The following FTO variants were observed in gnomAD, a reference collection of about 807,000 sequenced individuals.
FTO encodes the protein FTO alpha-ketoglutarate dependent dioxygenase.
FTO carries 47 observed loss-of-function variants against 63.9 expected under a neutral mutation model. The ratio of observed to expected loss-of-function variants is 0.74; its 90% confidence interval spans 0.58 to 0.94. The LOEUF is 0.94. Ranked by LOEUF, FTO falls within the 40% of genes least tolerant of loss-of-function variation. The pLI, the probability that FTO is intolerant of heterozygous loss-of-function variation, is 0.00. For missense variants in FTO, 562 were observed against 618.1 expected (o/e 0.91, Z 0.96); for synonymous variants, 207 against 224.4 (o/e 0.92, Z 0.69).
rs74019548 is a variant in FTO at position 54,022,966 on chromosome 16, C to T, written c.1365-88796C>T. ...TCAGAAAGTTCAAAGGCATTTGAAACGTGGAGAGAAATGCTAATGCAGTAA... is the reference window on the plus strand; with the variant it reads ...TCAGAAAGTTCAAAGGCATTTGAAATGTGGAGAGAAATGCTAATGCAGTAA... On this transcript the variant is annotated intron_variant, in intron 8 of 8. Transcript: ENST00000471389. Among the ~76,000 whole-genome samples the T allele has an allele frequency of 8.9e-3, 1,356 of 152,290 alleles. 21 individuals are homozygous for T. The highest frequency in any genetic ancestry group is 0.031 in the African/African-American group (1,282 of 41,556).
At chr16:53,814,711 C>T (rs1346937019) in intron 2 of FTO, 2 of 152,502 alleles carry the variant, frequency 1.3e-5, no homozygotes, top group African/African-American at 2.4e-5. Context: ...CCTGTGACCT[C>T]CAGCTCTCCA....
chr16:54,062,806 A>G (rs1200375941), intron 8 of FTO, among the ~76,000 whole-genome samples: 4 of 152,178 alleles, frequency 2.6e-5, no homozygotes, highest in South Asian at 2.1e-4. Flanking sequence ...AAAGACAGAT[A>G]AGTAACTGTG....
chr16:53,931,181 A>C (rs868012274), intron 7 of FTO, among the ~76,000 whole-genome samples: 41 of 152,146 alleles, frequency 2.7e-4, no homozygotes, highest in African/African-American at 9.6e-4. Flanking sequence ...CACAGGGGGG[A>C]AAAATTTTGT....
intron 8 of FTO, among the ~76,000 whole-genome samples, chr16:53,987,092 A>G (rs572627870): frequency 6.6e-6 from 1 of 152,308 alleles, no homozygotes; most frequent in South Asian, 2.1e-4. Flanking sequence ...CAGAAACAAA[A>G]TCGTGCCAGT....
chr16:53,704,988 T>C (rs1334372727), intron 1 of FTO, among the ~76,000 whole-genome samples: 1 of 150,974 alleles, frequency 6.6e-6, no homozygotes, highest in Non-Finnish European at 1.5e-5. Context: ...ATCCTGTTGA[T>C]TTGTCTACGT....
At chr16:53,718,852 T>G (rs2075960278) in intron 1 of FTO, among the ~76,000 whole-genome samples, 1 of 152,194 alleles carries the variant, frequency 6.6e-6, no homozygotes, top group African/African-American at 2.4e-5. Flanking sequence ...AACATTTTAG[T>G]ATATTTCAAT....
intron 7 of FTO, among the ~76,000 whole-genome samples, chr16:53,891,025 C>G (rs1337550702): frequency 2.0e-5 from 3 of 150,038 alleles, no homozygotes; most frequent in East Asian, 1.9e-4. Flanking sequence ...GAGTCTTGCT[C>G]TGTTGCCCAG....
At chr16:54,079,601 A>G (rs34738020) in intron 8 of FTO, among the ~76,000 whole-genome samples, 4,470 of 152,278 alleles carry the variant, frequency 0.029, 100 homozygotes, top group Middle Eastern at 0.085. Flanking sequence ...TAGAGAGGCA[A>G]CCCACGGGGT....
At chr16:53,789,716 G>T in intron 1 of FTO, among the ~76,000 whole-genome samples, 1 of 149,786 alleles carries the variant, frequency 6.7e-6, no homozygotes, top group South Asian at 2.1e-4. Context: ...TTTTGTTTTT[G>T]ACTTTCACAT....
intron 1 of FTO, among the ~76,000 whole-genome samples, chr16:53,801,588 T>C (rs1266310370): frequency 6.6e-6 from 1 of 152,158 alleles, no homozygotes; most frequent in South Asian, 2.1e-4. Context: ...AGATCTTCCA[T>C]TATCAGTTCT....
chr16:53,823,435 A>T (rs2078919782), intron 2 of FTO, among the ~76,000 whole-genome samples: 1 of 151,608 alleles, frequency 6.6e-6, no homozygotes, highest in East Asian at 1.9e-4. Flanking sequence ...GATCACTCCC[A>T]CATTGCGTTC....
chr16:54,057,665 G>A (rs553934863), intron 8 of FTO, among the ~76,000 whole-genome samples: 1 of 151,860 alleles, frequency 6.6e-6, no homozygotes, highest in South Asian at 2.1e-4. Flanking sequence ...TAGAGATGGG[G>A]TTTCACCATG....
intron 1 of FTO, among the ~76,000 whole-genome samples, chr16:53,712,439 T>C (rs1004191738): frequency 6.6e-6 from 1 of 152,258 alleles, no homozygotes; most frequent in African/African-American, 2.4e-5. Context: ...CTTTAATCAC[T>C]GTTTCGGAGG....
chr16:54,041,554 A>G (rs1203304556), intron 8 of FTO, among the ~76,000 whole-genome samples: 1 of 152,146 alleles, frequency 6.6e-6, no homozygotes, highest in African/African-American at 2.4e-5. Flanking sequence ...CTTATCTCAT[A>G]TAGGTCTAAG....
At chr16:54,001,948 G>A (rs2084078148) in intron 8 of FTO, among the ~76,000 whole-genome samples, 1 of 152,140 alleles carries the variant, frequency 6.6e-6, no homozygotes, top group African/African-American at 2.4e-5. Context: ...CCCCAGAAGG[G>A]GCTTCCTTTG....
chr16:53,796,049 C>T (rs371485655), intron 1 of FTO, among the ~76,000 whole-genome samples: 8 of 138,426 alleles, frequency 5.8e-5, no homozygotes, highest in Non-Finnish European at 9.3e-5. Context: ...TTCTTTCTTT[C>T]TTTTTTTTTT....
At chr16:53,819,125 G>T (rs962676446) in intron 2 of FTO, among the ~76,000 whole-genome samples, 2 of 152,062 alleles carry the variant, frequency 1.3e-5, no homozygotes, top group Admixed American at 6.6e-5. Flanking sequence ...AAATTTGATA[G>T]ACAGTAACTA....
intron 2 of FTO, among the ~76,000 whole-genome samples, chr16:53,811,863 A>C (rs1191247903): frequency 6.6e-6 from 1 of 152,022 alleles, no homozygotes; most frequent in Non-Finnish European, 1.5e-5. Context: ...CCCAGACTGG[A>C]ATGCAGTGGT....
intron 8 of FTO, among the ~76,000 whole-genome samples, chr16:54,060,838 C>T (rs773389741): frequency 7.9e-5 from 12 of 152,194 alleles, no homozygotes; most frequent in Non-Finnish European, 1.0e-4. Flanking sequence ...TATTTACTTT[C>T]TATTCATCAT....
Sources: allele counts gnomAD v4.1 joint callset (sites outside exome capture counted in the v4.1 genomes callset), GRCh38; gene constraint gnomAD v4.1.1; transcripts MANE v1.5; gene names NCBI Gene and HGNC (gene_info 2026-07-23, HGNC 2026-07-21).